The following PTBP1 variants were observed in gnomAD, a reference collection of about 807,000 sequenced individuals.
PTBP1 encodes polypyrimidine tract-binding protein 1.
PTBP1 carries 8 observed loss-of-function variants against 59.8 expected under a neutral mutation model. That is an observed-to-expected ratio of 0.13 (90% confidence interval 0.08 to 0.24). The LOEUF is 0.24. Among genes scored for constraint, PTBP1 ranks in the 10% least tolerant of loss-of-function variants. PTBP1 has a pLI of 1.00. For synonymous variants in PTBP1, 490 were observed against 320.7 expected, an observed-to-expected ratio of 1.53 and a Z score of -5.64; for missense variants, 686 against 767.0, an observed-to-expected ratio of 0.89 and a Z score of 1.25.
Position 806,445 on chromosome 19 carries a change from C to A in PTBP1, c.1008C>A (p.Pro336=), listed in dbSNP as rs773639455. 1 of 1,601,668 alleles carries A rather than the reference C, an allele frequency of 6.2e-7. No individual in the cohort carries two copies. Among genetic ancestry groups the A allele is most frequent in the Admixed American group, 1.7e-5 (1 of 59,060 alleles). Residue 336 remains proline, a synonymous_variant, in exon 10 of 15, where the codon CCC becomes CCA. Coordinates refer to ENST00000356948, the MANE Select transcript of PTBP1 (RefSeq NM_002819.5). ...SVPNVHGALA[P]LAIPSAAAAA... is the part of the protein sequence containing the mutation. ...CGAACGTCCACGGCGCCCTGGCCCCCCTGGCCATCCCCTCGGCGGCGGCGG... is the reference window on the plus strand; with the variant it reads ...CGAACGTCCACGGCGCCCTGGCCCCACTGGCCATCCCCTCGGCGGCGGCGG...
At chr19:810,135 C>T (rs550149348) in intron 13 of PTBP1, among the ~76,000 whole-genome samples, 12 of 152,234 alleles carry the variant, frequency 7.9e-5, no homozygotes, top group East Asian at 3.9e-4. Flanking sequence ...GGTGAAACCC[C>T]GTCTCTACTA....
In PTBP1 at chr19:804,431, A is replaced by C. The variant is rs1038997342; in HGVS notation, c.428A>C (p.Asn143Thr). Residue 143 changes from asparagine (N) to threonine (T), a missense_variant, in exon 5 of 15, where the codon AAC becomes ACC. Coordinates refer to ENST00000356948, the MANE Select transcript of PTBP1 (RefSeq NM_002819.5). ...HKELKTDSSPNQARAQAALQA... is the reference protein window; with the variant it reads ...HKELKTDSSPTQARAQAALQA... Reference sequence around the variant, plus strand: ...GAGCTGAAGACCGACAGCTCTCCCAACCAGGCGGTGCGTGGCCCCGCGGCG... The same window carrying C: ...GAGCTGAAGACCGACAGCTCTCCCACCCAGGCGGTGCGTGGCCCCGCGGCG... 3 of 1,610,850 alleles carry C rather than the reference A, an allele frequency of 1.9e-6. No homozygotes were observed. Among genetic ancestry groups the C allele is most frequent in the Non-Finnish European group, 2.5e-6 (3 of 1,179,942 alleles).
intron 2 of PTBP1, among the ~76,000 whole-genome samples, chr19:803,055 AGAGT>A (rs1350577188): frequency 2.0e-5 from 3 of 152,122 alleles, no homozygotes; most frequent in African/African-American, 7.2e-5. Context: ...GGCTCCTGCG[AGAGT>A]GAGGGAGGCA....
chr19:805,340 G>A (rs1315722092), intron 8 of PTBP1, 152 bp from the exon 9 acceptor site: 9 of 1,192,590 alleles, frequency 7.5e-6, no homozygotes, highest in East Asian at 2.4e-5. Flanking sequence ...TGTCCCCCAC[G>A]TCGGGACCAC....
intron 8 of PTBP1, 112 bp from the exon 9 acceptor site, chr19:805,380 C>T (rs906540092): frequency 1.3e-4 from 158 of 1,249,108 alleles, no homozygotes; most frequent in Non-Finnish European, 1.7e-4. Flanking sequence ...GATCTGCCCG[C>T]GAAGGCTCTG....
chr19:810,423 C>T (rs527690918), intron 13 of PTBP1, 120 bp from the exon 14 acceptor site: 3 of 757,034 alleles, frequency 4.0e-6, no homozygotes, highest in African/African-American at 3.6e-5. Flanking sequence ...TTCTGGGCTC[C>T]TAAAAGGCCC....
Position 803,647 on chromosome 19 carries a change from G to A in PTBP1, c.115+11G>A, listed in dbSNP as rs749869480. On this transcript the variant is annotated intron_variant, in intron 3 of 14. Transcript: ENST00000356948. ...ACTCGGCTTCTGCAGGTAAGGCCGG[G>A]ACTCGGCCCAGGGCAAGACCCGTGG... is the stretch of plus-strand genomic sequence containing the variant. The A allele has an allele frequency of 1.2e-6, 2 of 1,613,238 alleles. No individual in the cohort carries two copies. Among genetic ancestry groups the A allele is most frequent in the Non-Finnish European group, 8.5e-7 (1 of 1,179,230 alleles).
At chr19:806,649 C>A in intron 10 of PTBP1, 93 bp downstream of exon 10, 1 of 1,262,714 alleles carries the variant, frequency 7.9e-7, no homozygotes, top group East Asian at 3.1e-5. Context: ...AGCGCCGCCC[C>A]TCGCTGTGTC....
At chr19:800,533 G>T (rs1399150725) in intron 2 of PTBP1, among the ~76,000 whole-genome samples, 2 of 152,156 alleles carry the variant, frequency 1.3e-5, no homozygotes, top group East Asian at 1.9e-4. Context: ...CTTGTGCCCC[G>T]AGAGCCTCCC....
At chr19:809,240 C>T (rs1375854937) in intron 13 of PTBP1, among the ~76,000 whole-genome samples, 1 of 151,680 alleles carries the variant, frequency 6.6e-6, no homozygotes, top group African/African-American at 2.4e-5. Flanking sequence ...ATCTCCTGAC[C>T]TTGTGATCCG....
intron 2 of PTBP1, 69 bp from the exon 3 acceptor site, chr19:803,492 C>A: frequency 2.9e-6 from 4 of 1,394,436 alleles, no homozygotes; most frequent in Non-Finnish European, 4.1e-6. Context: ...GGGAGCAGGG[C>A]CGGCCGGTGG....
At chr19:803,472 C>T (rs2034426679) in intron 2 of PTBP1, 89 bp from the exon 3 acceptor site, 2 of 1,121,998 alleles carry the variant, frequency 1.8e-6, no homozygotes, top group South Asian at 1.3e-5. Flanking sequence ...GGACCCCAGG[C>T]AGCCCAAGTG....
chr19:807,812 C>T, intron 10 of PTBP1, 57 bp from the exon 11 acceptor site: 1 of 1,457,732 alleles, frequency 6.9e-7, no homozygotes, highest in Non-Finnish European at 9.6e-7. Flanking sequence ...CAACTCGCCC[C>T]CCTTGACCTC....
At chr19:807,552 C>G in intron 10 of PTBP1, 1 of 373,354 alleles carries the variant, frequency 2.7e-6, no homozygotes, top group Non-Finnish European at 4.8e-6. Flanking sequence ...TTCTTTTCTC[C>G]CCTTCCCCTT....
chr19:798,292 G>T (rs912812563), intron 1 of PTBP1: 1 of 152,140 alleles, frequency 6.6e-6, no homozygotes. Flanking sequence ...TTGCTGGGCG[G>T]GCTTCCCTTG....
chr19:801,072 T>C (rs1266020847), intron 2 of PTBP1, among the ~76,000 whole-genome samples: 2 of 138,672 alleles, frequency 1.4e-5, no homozygotes, highest in Non-Finnish European at 3.1e-5. Flanking sequence ...CTGGCTACGC[T>C]GTCCTTTAGC....
rs142664396 is a variant in PTBP1, at chr19:798,790, A to G, written c.9-623A>G. 5.7e-3 allele frequency among the ~76,000 whole-genome samples: 873 copies of G among 152,330 alleles called. 5 individuals are homozygous for G. Among genetic ancestry groups the G allele is most frequent in the Non-Finnish European group, 9.5e-3 (646 of 68,016 alleles). On this transcript the variant is annotated intron_variant, in intron 1 of 14. Coordinates refer to ENST00000356948, the MANE Select transcript of PTBP1 (RefSeq NM_002819.5). ...AGGGCCTCGGACAGTCCGGCTTTCT[A>G]TCCACCTTCCCCCCGGGGTGTCCCG...
At position 811,070 on chromosome 19, in the gene PTBP1, C is replaced by T. The variant is rs1361847537; in HGVS notation, c.*244C>T. On this transcript the variant is annotated 3_prime_UTR_variant, in exon 15 of 15. Coordinates refer to ENST00000356948, the MANE Select transcript of PTBP1 (RefSeq NM_002819.5). ...GTTCCCGGCCCTCCACACCCGGGGC[C>T]AGACCCTCGGGGCCATGCCTTGGTG... 12 of 430,356 alleles carry T rather than the reference C, an allele frequency of 2.8e-5. No individual in the cohort carries two copies. Among genetic ancestry groups the T allele is most frequent in the Non-Finnish European group, 3.2e-5 (8 of 247,944 alleles). The allele number at this position is 430,356 out of a possible 1,614,324, so 26.7% of individuals were successfully genotyped here.
chr19:810,598 G>C lies in PTBP1; in HGVS notation c.1519G>C (p.Val507Leu). ...KVLFSSNGGV[V>L]KGFKFFQKDR... ...CCTGTTTTCCAGCAATGGGGGCGTCGTCAAAGGATTCAAGTTCTTCCAGTG... is the reference window on the plus strand; with the variant it reads ...CCTGTTTTCCAGCAATGGGGGCGTCCTCAAAGGATTCAAGTTCTTCCAGTG... The change falls in exon 14 of 15, where the codon GTC becomes CTC. Residue 507 changes from valine (V) to leucine (L), a missense_variant. Transcript: ENST00000356948. 1 of 1,613,604 alleles carries C rather than the reference G, an allele frequency of 6.2e-7. No individual in the cohort carries two copies. The highest frequency in any genetic ancestry group is 8.5e-7 in the Non-Finnish European group (1 of 1,179,856).
Sources: allele counts gnomAD v4.1 joint callset (sites outside exome capture counted in the v4.1 genomes callset), GRCh38; gene constraint gnomAD v4.1.1; transcripts MANE v1.5; gene names NCBI Gene and HGNC (gene_info 2026-07-23, HGNC 2026-07-21).